LIN52: variants seen among roughly 807,000 people sequenced by gnomAD.
LIN52 encodes protein lin-52 homolog.
A neutral mutation model predicts 18.5 loss-of-function variants in LIN52; 4 were observed. That is an observed-to-expected ratio of 0.22 (90% CI 0.11 to 0.49). LIN52 has a LOEUF of 0.49. LIN52 is among the 20% of genes least tolerant of loss of function. The probability of loss-of-function intolerance (pLI) is 0.97; values close to 1 mark genes in which losing one functional copy is unlikely to be tolerated. For missense variants in LIN52, 102 were observed against 139.5 expected, an observed-to-expected ratio of 0.73 and a Z score of 1.35; for synonymous variants, 34 against 45.5, an observed-to-expected ratio of 0.75 and a Z score of 1.02.
chr14:74,096,811 AC>A (rs1299416137), intron 3 of LIN52, among the ~76,000 whole-genome samples: 1 of 151,946 alleles, frequency 6.6e-6, no homozygotes, highest in African/African-American at 2.4e-5. Context: ...TTTCCACTGG[AC>A]CCTTCCCTAC....
At chr14:74,149,449 A>G (rs2061167266) in intron 5 of LIN52, among the ~76,000 whole-genome samples, 1 of 152,268 alleles carries the variant, frequency 6.6e-6, no homozygotes, top group South Asian at 2.1e-4. Flanking sequence ...TCATGATGAG[A>G]TAAGACTGCA....
Position 74,158,124 on chromosome 14 carries a change from TA to T in LIN52, c.284-40797del, listed in dbSNP as rs33972978. 8.3e-3 allele frequency among the ~76,000 whole-genome samples: 932 copies of T among 112,306 alleles called. 16 individuals carry two copies. The highest frequency in any genetic ancestry group is 0.026 in the African/African-American group (899 of 34,682). 73.7% of individuals were successfully genotyped at this position (112,306 alleles called of 152,430 possible). A position where few individuals can be genotyped will look rare whatever the true frequency, so the allele number is the denominator to read the frequency against. ...TCACTGCTATATATATATATATATATATTTTTTTGAGATAGAGTCTCCCTCT... is the reference window on the plus strand; with the variant it reads ...TCACTGCTATATATATATATATATATTTTTTTTGAGATAGAGTCTCCCTCT... On this transcript the variant is annotated intron_variant, in intron 5 of 5. Transcript: ENST00000555028.
chr14:74,157,321 C>T (rs1340116712), intron 5 of LIN52, among the ~76,000 whole-genome samples: 1 of 152,050 alleles, frequency 6.6e-6, no homozygotes, highest in Non-Finnish European at 1.5e-5. Flanking sequence ...GCATGAGCCA[C>T]CACACCTGGC....
intron 2 of LIN52, 50 bp from the exon 3 acceptor site, chr14:74,095,898 C>A: frequency 8.2e-7 from 1 of 1,214,150 alleles, no homozygotes; most frequent in Non-Finnish European, 1.2e-6. Flanking sequence ...ATCTTCTATG[C>A]CTGAGCAATC....
intron 5 of LIN52, among the ~76,000 whole-genome samples, chr14:74,141,615 G>C (rs763009945): frequency 2.0e-5 from 3 of 152,196 alleles, no homozygotes; most frequent in Non-Finnish European, 4.4e-5. Context: ...TTTTAAAATA[G>C]GAAATTCTGG....
intron 5 of LIN52, among the ~76,000 whole-genome samples, chr14:74,144,007 G>T (rs1208525644): frequency 6.6e-6 from 1 of 151,350 alleles, no homozygotes. Flanking sequence ...TTTCTTACAA[G>T]ATTCCACATA....
At chr14:74,147,453 T>C (rs2061156973) in intron 5 of LIN52, among the ~76,000 whole-genome samples, 1 of 152,144 alleles carries the variant, frequency 6.6e-6, no homozygotes, top group Admixed American at 6.6e-5. Flanking sequence ...CAAGCTCCAT[T>C]ACAATTAAAC....
At chr14:74,091,654 A>G (rs71429037) in intron 2 of LIN52, among the ~76,000 whole-genome samples, 1 of 151,680 alleles carries the variant, frequency 6.6e-6, no homozygotes, top group African/African-American at 2.4e-5. Flanking sequence ...CACACCTGTA[A>G]TCCCAGCTAC....
At chr14:74,125,575 A>G (rs7144202) in intron 5 of LIN52, among the ~76,000 whole-genome samples, 28,219 of 152,054 alleles carry the variant, frequency 0.19, 2,829 homozygotes, top group South Asian at 0.43. Context: ...TTGCCTTTAA[A>G]GACACATTCA....
chr14:74,131,270 C>G (rs2061065270), intron 5 of LIN52, among the ~76,000 whole-genome samples: 1 of 150,636 alleles, frequency 6.6e-6, no homozygotes, highest in Admixed American at 6.6e-5. Context: ...TATGGTGTTT[C>G]TAAGTGAGAT....
intron 5 of LIN52, among the ~76,000 whole-genome samples, chr14:74,175,711 T>TACACACACACACACACAC (rs35602442): frequency 3.5e-5 from 3 of 86,324 alleles, no homozygotes; most frequent in African/African-American, 1.1e-4. Flanking sequence ...CACAGACACA[T>TACACACACACACACACAC]ACACACACAC....
At chr14:74,162,548 A>T (rs918466422) in intron 5 of LIN52, among the ~76,000 whole-genome samples, 1 of 146,334 alleles carries the variant, frequency 6.8e-6, no homozygotes, top group African/African-American at 2.5e-5. Flanking sequence ...TTCCTTATTT[A>T]TTTATTTTTT....
intron 5 of LIN52, among the ~76,000 whole-genome samples, chr14:74,123,102 A>G (rs2061009004): frequency 2.0e-5 from 3 of 152,176 alleles, no homozygotes; most frequent in Admixed American, 1.3e-4. Flanking sequence ...TACTCTTATG[A>G]GCAGCATATG....
At chr14:74,087,920 T>A (rs2060745691) in intron 1 of LIN52, among the ~76,000 whole-genome samples, 1 of 152,086 alleles carries the variant, frequency 6.6e-6, no homozygotes, top group Non-Finnish European at 1.5e-5. Context: ...AATTTTTTTT[T>A]AACTTTCTTT....
Position 74,185,134 on chromosome 14 carries a change from A to G in LIN52, c.284-13788A>G, listed in dbSNP as rs1030185790. ...AGAAATCTAGGCACTAATAGTACTCATTGTTAAGAGACTGTCATTGTCTCT... is the reference window on the plus strand; with the variant it reads ...AGAAATCTAGGCACTAATAGTACTCGTTGTTAAGAGACTGTCATTGTCTCT... On this transcript the variant is annotated intron_variant, in intron 5 of 5. Transcript: ENST00000555028. Among the ~76,000 whole-genome samples the G allele has an allele frequency of 2.0e-5, 3 of 151,828 alleles. No homozygotes were observed. In the East Asian group the frequency reaches 5.8e-4, roughly 29 times the overall value.
At chr14:74,127,541 C>A (rs1300054152) in intron 5 of LIN52, among the ~76,000 whole-genome samples, 1 of 152,128 alleles carries the variant, frequency 6.6e-6, no homozygotes, top group Non-Finnish European at 1.5e-5. Context: ...TGGGAAGCCA[C>A]TGAAAGGCTT....
At chr14:74,183,879 T>C (rs948836101) in intron 5 of LIN52, among the ~76,000 whole-genome samples, 12 of 152,212 alleles carry the variant, frequency 7.9e-5, no homozygotes, top group Non-Finnish European at 1.5e-4. Context: ...AAAATAATAA[T>C]TATTTAATAA....
chr14:74,103,573 C>G (rs922725925), intron 5 of LIN52, among the ~76,000 whole-genome samples: 1 of 150,972 alleles, frequency 6.6e-6, no homozygotes, highest in Non-Finnish European at 1.5e-5. Context: ...GCTGGGATTA[C>G]AGGCATGTGC....
chr14:74,101,207 G>A lies in LIN52; in HGVS notation c.252G>A (p.Gln84=). The A allele has an allele frequency of 1.9e-6, 3 of 1,610,788 alleles. No homozygotes were observed. Among genetic ancestry groups the A allele is most frequent in the Non-Finnish European group, 2.5e-6 (3 of 1,178,962 alleles). The part of the protein sequence containing the change: ...ANLMEKVRGL[Q]NLAYQLGLDE... Reference sequence around the variant, plus strand: ...TGATGGAGAAGGTTCGAGGCCTACAGAACCTAGCCTATCAGCTGGGGCTGG... The same window carrying A: ...TGATGGAGAAGGTTCGAGGCCTACAAAACCTAGCCTATCAGCTGGGGCTGG... Residue 84 remains glutamine (Q), a synonymous_variant, in exon 5 of 6, where the codon CAG becomes CAA. Transcript: ENST00000555028.
Sources: gnomAD v4.1 joint callset for allele counts (sites outside exome capture counted in the v4.1 genomes callset) on GRCh38, gnomAD v4.1.1 for gene constraint, MANE v1.5 for transcripts, NCBI Gene and HGNC (gene_info 2026-07-23, HGNC 2026-07-21) for gene names.